The following CDCP1 variants were observed in gnomAD, a reference collection of about 807,000 sequenced individuals.
CDCP1 encodes CUB domain-containing protein 1.
Under a neutral mutation model 60.2 loss-of-function variants are expected in CDCP1, and 29 were observed. The observed-to-expected ratio is 0.48, with a 90% CI of 0.36 to 0.66. The LOEUF is 0.66. Among genes scored for constraint, CDCP1 ranks in the 30% least tolerant of loss-of-function variants. The pLI is 0.00. For synonymous variants in CDCP1, 387 were observed against 431.1 expected (o/e 0.90, Z 1.27); for missense variants, 876 against 1,074.3 (o/e 0.82, Z 2.58).
intron 1 of CDCP1, among the ~76,000 whole-genome samples, chr3:45,135,310 A>C (rs562670857): frequency 2.0e-5 from 3 of 152,008 alleles, no homozygotes; most frequent in African/African-American, 4.8e-5. Context: ...AAAAAAAAAA[A>C]CAAAAAACAG....
At chr3:45,129,286 T>G (rs1246094998) in intron 1 of CDCP1, among the ~76,000 whole-genome samples, 1 of 152,224 alleles carries the variant, frequency 6.6e-6, no homozygotes, top group Non-Finnish European at 1.5e-5. Flanking sequence ...GAGGCCATCT[T>G]AAGGCTCCTT....
In CDCP1 at chr3:45,084,048, G is replaced by A. The variant is rs1048529271; in HGVS notation, c.*1590C>T. On this transcript the variant is annotated 3_prime_UTR_variant, in exon 9 of 9. Coordinates refer to ENST00000296129, the MANE Select transcript of CDCP1 (RefSeq NM_022842.5). The stretch of plus-strand genomic sequence containing the variant: ...CATTACAATAAATGCAACCTGCAGG[G>A]GCATTGATCAGTAGAAACAAACACT... 1 of 152,092 alleles carries A rather than the reference G, an allele frequency of 6.6e-6. No homozygotes were observed. The highest frequency in any genetic ancestry group is 2.4e-5 in the African/African-American group (1 of 41,410). The allele number at this position is 152,092 out of a possible 1,614,324, so 9.4% of individuals were successfully genotyped here.
chr3:45,138,493 TC>T (rs1417622557), intron 1 of CDCP1, among the ~76,000 whole-genome samples: 15 of 152,194 alleles, frequency 9.9e-5, no homozygotes, highest in African/African-American at 3.4e-4. Flanking sequence ...AATCAAAGTG[TC>T]TTAGTTCGTT....
intron 1 of CDCP1, among the ~76,000 whole-genome samples, chr3:45,128,708 T>C (rs545764703): frequency 8.6e-4 from 131 of 152,270 alleles, no homozygotes; most frequent in South Asian, 2.7e-3. Context: ...TGATGCAAGT[T>C]GTTTCTTTTA....
At chr3:45,087,996 T>TG (rs1460483234) in intron 8 of CDCP1, among the ~76,000 whole-genome samples, 3 of 150,510 alleles carry the variant, frequency 2.0e-5, no homozygotes, top group Non-Finnish European at 4.4e-5. Context: ...CACTCCAGCC[T>TG]GGCAACAGAG....
In CDCP1 at chr3:45,112,230, T is replaced by C. The variant is rs897455366; in HGVS notation, c.508A>G (p.Thr170Ala). ...CAGAAGGTTCCGATCCTGACCACGG[T>C]GGCATCGATTCGGCCGCTGATGGAG... ...THSISGRIDA[T>A]VVRIGTFCSN... The change falls in exon 3 of 9, where the codon ACC becomes GCC. Residue 170 changes from threonine (T) to alanine (A), a missense_variant. Thr to Ala is a moderately conservative substitution (Grantham distance 58, BLOSUM62 0). Around this residue, in one of 2 missense-constraint regions of CDCP1, gnomAD observed 726 missense variants for 935.7 expected, o/e 0.78. Coordinates refer to ENST00000296129, the MANE Select transcript of CDCP1 (RefSeq NM_022842.5). The C allele has an allele frequency of 5.0e-6, 8 of 1,614,018 alleles. No individual in the cohort carries two copies. Among genetic ancestry groups the C allele is most frequent in the African/African-American group, 1.3e-5 (1 of 74,902 alleles).
rs753016423 is a variant in CDCP1 at position 45,093,362 on chromosome 3, C to T, written c.1542G>A (p.Ser514=). 2.5e-5 allele frequency: 40 copies of T among 1,614,078 alleles called. No homozygotes were observed. Among genetic ancestry groups the T allele is most frequent in the South Asian group, 1.8e-4 (16 of 91,084 alleles). ...IKQIQVKQNI[S]VTLRTFAPSF... ...TGGGGGCAAAGGTGCGAAGGGTCAC[C>T]GAGATGTTCTGCTTCACCTGGATCT... Residue 514 remains serine, a synonymous_variant, in exon 6 of 9, where the codon TCG becomes TCA. Coordinates refer to ENST00000296129, the MANE Select transcript of CDCP1 (RefSeq NM_022842.5).
intron 1 of CDCP1, among the ~76,000 whole-genome samples, chr3:45,126,203 T>TTTCCTTCATTCC (rs1698996260): frequency 7.4e-6 from 1 of 134,364 alleles, no homozygotes; most frequent in Non-Finnish European, 1.6e-5. Context: ...TCTTTCTTTC[T>TTTCCTTCATTCC]TTCCTTCCTT....
At chr3:45,097,507 T>TAAAAA (rs375695747) in intron 4 of CDCP1, among the ~76,000 whole-genome samples, 1 of 126,676 alleles carries the variant, frequency 7.9e-6, no homozygotes. Flanking sequence ...TTCTTTTGTT[T>TAAAAA]AAAAAAAAAA....
chr3:45,119,590 T>C (rs946720193), intron 1 of CDCP1, among the ~76,000 whole-genome samples: 4 of 152,246 alleles, frequency 2.6e-5, no homozygotes, highest in African/African-American at 9.6e-5. Flanking sequence ...GGATCTGTTA[T>C]CGTGCTGGCA....
intron 5 of CDCP1, among the ~76,000 whole-genome samples, chr3:45,094,171 G>A (rs1336151394): frequency 6.6e-6 from 1 of 152,108 alleles, no homozygotes; most frequent in Non-Finnish European, 1.5e-5. Context: ...GCACACATCA[G>A]AAGTCATGGT....
intron 1 of CDCP1, among the ~76,000 whole-genome samples, chr3:45,145,321 C>G (rs1699359030): frequency 6.6e-6 from 1 of 152,182 alleles, no homozygotes. Context: ...CTGTACTAAT[C>G]TCGCGAAACC....
rs1042299738 is a variant in CDCP1 at position 45,091,466 on chromosome 3, C to T, written c.1700G>A (p.Gly567Asp). The change falls in exon 7 of 9, where the codon GGC becomes GAC. Residue 567 changes from glycine (G) to aspartate (D), a missense_variant. By Grantham distance (94) the Gly-to-Asp change is moderately conservative. This residue lies in a region of CDCP1 where 726 missense variants were observed against 935.7 expected (regional missense o/e 0.78). Coordinates refer to ENST00000296129, the MANE Select transcript of CDCP1 (RefSeq NM_022842.5). This position sits in a 1 kb window ranked among gnomAD's most constrained non-coding sequence, Gnocchi z 4.8. ...GGACACAGAGGTGAGGGATGGCAGG[C>T]CCCGGTCCCAGTTGGGGGTCCTCAG... ...VYLRTPNWDRGLPSLTSVSWN... is the reference protein window; with the variant it reads ...VYLRTPNWDRDLPSLTSVSWN... 5 of 1,610,774 alleles carry T rather than the reference C, an allele frequency of 3.1e-6. No homozygotes were observed. Among genetic ancestry groups the T allele is most frequent in the Non-Finnish European group, 4.2e-6 (5 of 1,178,370 alleles).
chr3:45,110,122 A>C, intron 4 of CDCP1: 1 of 933,356 alleles, frequency 1.1e-6, no homozygotes, highest in Non-Finnish European at 1.3e-6. Context: ...ATAAAACTGT[A>C]AGTTCCCATC....
chr3:45,107,427 C>G (rs751880720), intron 4 of CDCP1, among the ~76,000 whole-genome samples: 4 of 151,970 alleles, frequency 2.6e-5, no homozygotes, highest in Non-Finnish European at 5.9e-5. Flanking sequence ...AGGCTGGTCT[C>G]AAACTCCTGA....
chr3:45,116,496 C>A (rs1334575852), intron 2 of CDCP1, among the ~76,000 whole-genome samples: 1 of 152,084 alleles, frequency 6.6e-6, no homozygotes, highest in African/African-American at 2.4e-5. Context: ...TGCAAAGCAT[C>A]ACATTAACTG....
Position 45,091,279 on chromosome 3 carries a change from T to A in CDCP1, c.1887A>T (p.Pro629=). The A allele has an allele frequency of 1.2e-6, 2 of 1,613,792 alleles. No individual in the cohort carries two copies. The highest frequency in any genetic ancestry group is 1.1e-5 in the South Asian group (1 of 91,060). ...CCCAGAAGCTGTGATGGTGGAAGCT[T>A]GGCTTGGGGAGCACATCCTCGTCCA... ...FSLDEDVLPK[P]SFHHHSFWVN... Residue 629 remains proline (P), a synonymous_variant, in exon 7 of 9, where the codon CCA becomes CCT. Coordinates refer to ENST00000296129, the MANE Select transcript of CDCP1 (RefSeq NM_022842.5). The surrounding 1 kb of genome is among the most constrained non-coding windows in gnomAD (Gnocchi z 4.8).
intron 4 of CDCP1, among the ~76,000 whole-genome samples, chr3:45,108,768 T>C (rs1436249675): frequency 2.4e-5 from 2 of 83,430 alleles, no homozygotes; most frequent in Non-Finnish European, 2.6e-5. Context: ...TATATATATA[T>C]ATGCATGTAT....
rs1260227611 is a variant in CDCP1, at chr3:45,093,643, G to A, written c.1261C>T (p.Arg421Trp). The change falls in exon 6 of 9, where the codon CGG (arginine) becomes TGG (tryptophan). Residue 421 changes from arginine (R) to tryptophan (W), a missense_variant. By Grantham distance (101) the Arg-to-Trp change is moderately radical. Transcript: ENST00000296129. ...VEKTISCTDH[R>W]YCQRKSYSLQ... ...GAGTAGGATTTCCTTTGGCAGTACC[G>A]GTGGTCTGTGCAGCCTGGAAGAAGT... 4 of 1,612,290 alleles carry A rather than the reference G, an allele frequency of 2.5e-6. No individual in the cohort carries two copies. The highest frequency in any genetic ancestry group is 2.2e-5 in the South Asian group (2 of 90,860).
Sources: gnomAD v4.1 joint callset for allele counts (sites outside exome capture counted in the v4.1 genomes callset) on GRCh38, gnomAD v4.1.1 for gene constraint, gnomAD v4.1.1 regional missense constraint, Gnocchi (gnomAD v3.1) non-coding constraint, MANE v1.5 for transcripts, NCBI Gene and HGNC (gene_info 2026-07-23, HGNC 2026-07-21) for gene names.